Variants in CENPP observed in about 807,000 individuals in gnomAD.
CENPP encodes the protein centromere protein P.
A neutral mutation model predicts 35.6 loss-of-function variants in CENPP; 24 were observed. The ratio of observed to expected loss-of-function variants is 0.67; its 90% CI spans 0.49 to 0.95. The LOEUF is 0.95. Ranked by LOEUF, CENPP falls within the 40% of genes least tolerant of loss-of-function variation. CENPP has a pLI of 0.00. For synonymous variants in CENPP, 120 were observed against 125.5 expected (o/e 0.96, Z 0.29); for missense variants, 332 against 345.3 (o/e 0.96, Z 0.31).
chr9:92,501,825 T>C (rs1032133251), intron 5 of CENPP, among the ~76,000 whole-genome samples: 1 of 152,236 alleles, frequency 6.6e-6, no homozygotes, highest in Non-Finnish European at 1.5e-5. Flanking sequence ...ATCCCAGTTG[T>C]CTGCTGGATT....
intron 5 of CENPP, among the ~76,000 whole-genome samples, chr9:92,477,688 G>A (rs1486996293): frequency 6.6e-6 from 1 of 152,008 alleles, no homozygotes; most frequent in Admixed American, 6.5e-5. Flanking sequence ...TTAAAGTAGA[G>A]CACACCTTCC....
intron 5 of CENPP, among the ~76,000 whole-genome samples, chr9:92,388,589 C>T (rs529994090): frequency 6.6e-6 from 1 of 151,708 alleles, no homozygotes; most frequent in South Asian, 2.1e-4. Context: ...GCCTGTAATC[C>T]TAGCACTTTG....
intron 5 of CENPP, chr9:92,404,698 G>A: frequency 8.1e-7 from 1 of 1,232,406 alleles, no homozygotes; most frequent in Non-Finnish European, 1.0e-6. Context: ...GTGAAATGCA[G>A]TGTGTTGTAC....
At chr9:92,471,371 A>G (rs1013553395) in intron 5 of CENPP, among the ~76,000 whole-genome samples, 127 of 151,338 alleles carry the variant, frequency 8.4e-4, no homozygotes, top group African/African-American at 2.9e-3. Context: ...TAATTTTTGT[A>G]TTTTTAGTAG....
chr9:92,560,211 A>G (rs554809554), intron 5 of CENPP, among the ~76,000 whole-genome samples: 1 of 152,328 alleles, frequency 6.6e-6, no homozygotes, highest in African/African-American at 2.4e-5. Context: ...TTTGGAAGAA[A>G]CAAAAAACAA....
In CENPP at chr9:92,453,526, G is replaced by T. The variant is rs570173604; in HGVS notation, c.564+73667G>T. On this transcript the variant is annotated intron_variant, in intron 5 of 7. Coordinates refer to ENST00000375587, the MANE Select transcript of CENPP (RefSeq NM_001012267.3). ...AGGAGAGCTTCACTTCCAACTATAT[G>T]GTCAATTTTGGAAAAGGTGTGGTGT... Among the ~76,000 whole-genome samples the T allele has an allele frequency of 8.0e-4, 121 of 152,124 alleles. No homozygotes were observed. The Middle Eastern group carries it at 0.01, about 13-fold the overall frequency.
chr9:92,470,354 GTAAT>G (rs1845466838), intron 5 of CENPP, among the ~76,000 whole-genome samples: 2 of 152,140 alleles, frequency 1.3e-5, no homozygotes. Flanking sequence ...ATTGCTGTAA[GTAAT>G]TGTTTTCTTG....
chr9:92,488,096 C>T (rs1029061257), intron 5 of CENPP, among the ~76,000 whole-genome samples: 1 of 152,118 alleles, frequency 6.6e-6, no homozygotes, highest in Non-Finnish European at 1.5e-5. Context: ...GTATTAAATG[C>T]GTTTTGACCT....
intron 3 of CENPP, among the ~76,000 whole-genome samples, chr9:92,344,699 C>T (rs889402631): frequency 6.6e-6 from 1 of 151,842 alleles, no homozygotes; most frequent in Non-Finnish European, 1.5e-5. Context: ...AGGCGCCTGC[C>T]ACGACGCCTA....
intron 5 of CENPP, among the ~76,000 whole-genome samples, chr9:92,471,223 G>C (rs1375473808): frequency 1.3e-5 from 2 of 149,926 alleles, no homozygotes; most frequent in African/African-American, 4.9e-5. Context: ...TTGAGATGGA[G>C]TCTCGCTCTG....
At chr9:92,332,817 A>G (rs1840796612) in intron 2 of CENPP, among the ~76,000 whole-genome samples, 1 of 152,036 alleles carries the variant, frequency 6.6e-6, no homozygotes, top group East Asian at 1.9e-4. Flanking sequence ...AAAACAAAAA[A>G]AAAAAGGGCT....
At chr9:92,463,947 CTG>C (rs1845208339) in intron 5 of CENPP, among the ~76,000 whole-genome samples, 1 of 152,124 alleles carries the variant, frequency 6.6e-6, no homozygotes, top group Non-Finnish European at 1.5e-5. Flanking sequence ...AACAGCTTTA[CTG>C]TGTCTTTTAA....
chr9:92,373,512 T>A (rs951157781), intron 4 of CENPP, among the ~76,000 whole-genome samples: 19 of 152,152 alleles, frequency 1.2e-4, no homozygotes, highest in African/African-American at 4.6e-4. Context: ...TTCTCTTGTA[T>A]CTCACTGAGC....
At chr9:92,523,676 T>C (rs1048350521) in intron 5 of CENPP, among the ~76,000 whole-genome samples, 2 of 152,218 alleles carry the variant, frequency 1.3e-5, no homozygotes, top group Non-Finnish European at 2.9e-5. Context: ...TGAATCTCCT[T>C]TGTGCTTAAA....
chr9:92,469,452 T>A (rs1391423140), intron 5 of CENPP, among the ~76,000 whole-genome samples: 5 of 151,990 alleles, frequency 3.3e-5, no homozygotes, highest in Non-Finnish European at 5.9e-5. Flanking sequence ...GAGGAAGAGA[T>A]GGGCCAGCAG....
chr9:92,360,679 C>T (rs899714441), intron 4 of CENPP, among the ~76,000 whole-genome samples: 2 of 151,818 alleles, frequency 1.3e-5, no homozygotes, highest in African/African-American at 4.8e-5. Flanking sequence ...CATATTTCTC[C>T]AGATTTTTAT....
chr9:92,387,028 A>G (rs1842452835), intron 5 of CENPP, among the ~76,000 whole-genome samples: 1 of 147,622 alleles, frequency 6.8e-6, no homozygotes, highest in South Asian at 2.3e-4. Flanking sequence ...AGCCTGGGCA[A>G]CAGAGCGAGA....
At chr9:92,325,890 C>A (rs1473336221), upstream of CENPP, 2 of 888,394 alleles carry the variant, frequency 2.3e-6, no homozygotes, top group African/African-American at 3.4e-5. Context: ...TCCGCGTGAG[C>A]TCTGGGATGG....
At chr9:92,572,416 C>T (rs1314166090) in intron 5 of CENPP, among the ~76,000 whole-genome samples, 2 of 152,082 alleles carry the variant, frequency 1.3e-5, no homozygotes, top group East Asian at 3.9e-4. Context: ...GAATATCGGC[C>T]CCCACTCTCT....
Sources: allele counts gnomAD v4.1 joint callset (sites outside exome capture counted in the v4.1 genomes callset), GRCh38; gene constraint gnomAD v4.1.1; transcripts MANE v1.5; gene names NCBI Gene and HGNC (gene_info 2026-07-23, HGNC 2026-07-21).